LDHD: variants seen among roughly 807,000 people sequenced by gnomAD.
LDHD encodes the protein lactate dehydrogenase D.
Under a neutral mutation model 52.9 loss-of-function variants are expected in LDHD, and 58 were observed. The ratio of observed to expected loss-of-function variants is 1.10; its 90% CI spans 0.89 to 1.36. LDHD has a LOEUF of 1.36. Ranked by LOEUF, LDHD falls within the 40% of genes most tolerant of loss-of-function variation. The pLI, the probability that LDHD is intolerant of heterozygous loss-of-function variation, is 0.00. For missense variants in LDHD, 747 were observed against 668.0 expected (o/e 1.12, Z -1.30); for synonymous variants, 350 against 288.6 (o/e 1.21, Z -2.16).
intron 8 of LDHD, among the ~76,000 whole-genome samples, 180 bp downstream of exon 8, chr16:75,113,355 T>C (rs965604649): frequency 1.3e-5 from 2 of 152,210 alleles, no homozygotes; most frequent in East Asian, 1.9e-4. Context: ...GCTTTCCCTG[T>C]AGACGGTATC....
rs2036495609 is a variant in LDHD at position 75,114,589 on chromosome 16, T to C, written c.566A>G (p.Asn189Ser). 1 of 1,533,878 alleles carries C rather than the reference T, an allele frequency of 6.5e-7. No homozygotes were observed. The highest frequency in any genetic ancestry group is 8.7e-7 in the Non-Finnish European group (1 of 1,145,102). The stretch of plus-strand genomic sequence containing the variant: ...CCCGTCGGGCAGCACCACCTCCAGG[T>C]TGAGCACGTTGTCCCGCATGGTGCC... ...RYGTMRDNVLNLEVVLPDGRL... is the reference protein window; with the variant it reads ...RYGTMRDNVLSLEVVLPDGRL... Residue 189 changes from asparagine to serine, a missense_variant, in exon 5 of 11, where the codon AAC becomes AGC. Physicochemically the swap from Asn to Ser is conservative, Grantham distance 46 (BLOSUM62 1). Coordinates refer to ENST00000450168, the MANE Select transcript of LDHD (RefSeq NM_194436.3).
rs1422873304 is a variant in LDHD at position 75,116,695 on chromosome 16, G to A, written c.26C>T (p.Thr9Ile). The stretch of plus-strand genomic sequence containing the variant: ...GCCCCTCCAGGGGAACAGCTCCCAG[G>A]TTGCAGACCTGAGCAGTCGGGCCAT... MARLLRSA[T>I]WELFPWRGYC... Residue 9 changes from threonine (T) to isoleucine (I), a missense_variant, in exon 1 of 11, where the codon ACC (threonine) becomes ATC (isoleucine). Thr to Ile is a moderately conservative substitution (Grantham distance 89). Coordinates refer to ENST00000450168, the MANE Select transcript of LDHD (RefSeq NM_194436.3). The A allele has an allele frequency of 1.2e-6, 2 of 1,600,918 alleles. No individual in the cohort carries two copies. Among genetic ancestry groups the A allele is most frequent in the Admixed American group, 1.7e-5 (1 of 57,670 alleles).
chr16:75,115,096 G>C (rs1363852950), intron 3 of LDHD, 102 bp downstream of exon 3: 2 of 1,544,938 alleles, frequency 1.3e-6, no homozygotes, highest in East Asian at 4.5e-5. Flanking sequence ...GCCCACGGGC[G>C]GGAGCAGACC....
chr16:75,114,221 G>T, intron 5 of LDHD, 56 bp from the exon 6 acceptor site: 2 of 1,598,060 alleles, frequency 1.3e-6, no homozygotes, highest in Non-Finnish European at 8.5e-7. Flanking sequence ...GGGATTTCTG[G>T]CCAGAAGCCG....
chr16:75,112,694 C>A lies in LDHD; in HGVS notation c.1197G>T (p.Val399=). Reference sequence around the variant, plus strand: ...GGATGCAGTGGAAGTTGCCGTCACCCACATGCCCGACAATGCTTCCTGGGG... The same window carrying A: ...GGATGCAGTGGAAGTTGCCGTCACCAACATGCCCGACAATGCTTCCTGGGG... ...SGLTGSIVGH[V]GDGNFHCILL... The change falls in exon 10 of 11, where the codon GTG becomes GTT. Residue 399 remains valine (V), a synonymous_variant. Coordinates refer to ENST00000450168, the MANE Select transcript of LDHD (RefSeq NM_194436.3). 6.2e-7 allele frequency: 1 copy of A among 1,614,074 alleles called. No homozygotes were observed. Among genetic ancestry groups the A allele is most frequent in the Non-Finnish European group, 8.5e-7 (1 of 1,179,990 alleles).
Position 75,116,688 on chromosome 16 carries a change from C to T in LDHD, c.33G>A (p.Glu11=), listed in dbSNP as rs1370033205. 6.2e-7 allele frequency: 1 copy of T among 1,603,418 alleles called. No homozygotes were observed. Among genetic ancestry groups the T allele is most frequent in the African/African-American group, 1.3e-5 (1 of 74,460 alleles). ...AGCAGTAGCCCCTCCAGGGGAACAG[C>T]TCCCAGGTTGCAGACCTGAGCAGTC... MARLLRSATW[E]LFPWRGYCSQ... The change falls in exon 1 of 11, where the codon GAG becomes GAA. Residue 11 remains glutamate (E), a synonymous_variant. Coordinates refer to ENST00000450168, the MANE Select transcript of LDHD (RefSeq NM_194436.3).
At position 75,115,196 on chromosome 16, in the gene LDHD, A is replaced by ACCT. The variant is rs777397715; in HGVS notation, c.326_327+1dup. On this transcript the variant is annotated splice_donor_variant, in intron 3 of 10. Transcript: ENST00000450168. LOFTEE classifies it high-confidence loss of function. The stretch of plus-strand genomic sequence containing the variant: ...GGGCCGGGCGAGGGAGCCCCACTGT[A>ACCT]CCTGCACAGCACAGACGCCACCCTC... The ACCT allele has an allele frequency of 1.3e-5, 21 of 1,611,620 alleles. No homozygotes were observed. The highest frequency in any genetic ancestry group is 1.0e-5 in the Non-Finnish European group (12 of 1,179,904).
At chr16:75,115,372 G>C (rs368781453) in intron 2 of LDHD, 33 bp from the exon 3 acceptor site, 394 of 1,611,584 alleles carry the variant, frequency 2.4e-4, no homozygotes, top group South Asian at 9.0e-4. Context: ...TTAGCGGGGC[G>C]TGACACCCTC....
At chr16:75,112,547 A>AGG in intron 10 of LDHD, 26 bp from the exon 11 acceptor site, 2 of 1,613,162 alleles carry the variant, frequency 1.2e-6, no homozygotes, top group South Asian at 2.2e-5. Context: ...AGACATCCTC[A>AGG]GGGGGCTCCC....
chr16:75,115,497 G>A, intron 2 of LDHD, 51 bp downstream of exon 2: 1 of 1,587,338 alleles, frequency 6.3e-7, no homozygotes, highest in Non-Finnish European at 8.6e-7. Context: ...CTCTCTCTCA[G>A]CTGGGGTTGA....
Position 75,116,766 on chromosome 16 carries a change from C to A in LDHD, c.-46G>T, listed in dbSNP as rs11860467. 6,507 of 1,334,616 alleles carry A rather than the reference C, an allele frequency of 4.9e-3. 295 individuals are homozygous for A. The African/African-American group carries it at 0.089, about 18-fold the overall frequency. 82.7% of individuals were successfully genotyped at this position (1,334,616 alleles called of 1,614,324 possible). Reference sequence around the variant, plus strand: ...GTGTGAGCACTGGGTGGCAGGGTGACCAGTCAGCTACTGTGGCAGCAGCTA... The same window carrying A: ...GTGTGAGCACTGGGTGGCAGGGTGAACAGTCAGCTACTGTGGCAGCAGCTA... On this transcript the variant is annotated 5_prime_UTR_variant, in exon 1 of 11. Coordinates refer to ENST00000450168, the MANE Select transcript of LDHD (RefSeq NM_194436.3).
At chr16:75,113,158 A>C (rs2036447981) in intron 8 of LDHD, among the ~76,000 whole-genome samples, 1 of 151,600 alleles carries the variant, frequency 6.6e-6, no homozygotes, top group South Asian at 2.1e-4. Flanking sequence ...CCCAAGCCCC[A>C]GGCTGCTGAG....
chr16:75,112,828 C>T lies in LDHD; in HGVS notation c.1177+6G>A, dbSNP rs1252221085. On this transcript the variant is annotated splice_donor_region_variant and intron_variant, in intron 9 of 10. Transcript: ENST00000450168. ...CACCTCTCCCCAGCAGCAGGGTGGGCAGAACCTGTGAGTCCTGAGGCATTC... is the reference window on the plus strand; with the variant it reads ...CACCTCTCCCCAGCAGCAGGGTGGGTAGAACCTGTGAGTCCTGAGGCATTC... 1.2e-6 allele frequency: 2 copies of T among 1,612,048 alleles called. No homozygotes were observed. Among genetic ancestry groups the T allele is most frequent in the South Asian group, 2.2e-5 (2 of 90,836 alleles).
chr16:75,113,643 G>A lies in LDHD; in HGVS notation c.978C>T (p.Asn326=), dbSNP rs145679194. The part of the protein sequence containing the change: ...LQRTEEIVQQ[N]GASDFSWAKE... ...TGGCCCAGGAGAAGTCAGAGGCTCC[G>A]TTCTGCTGGACTATCTCCTCTGCAG... Residue 326 remains asparagine, a synonymous_variant, in exon 8 of 11, where the codon AAC becomes AAT. Transcript: ENST00000450168. The A allele has an allele frequency of 6.2e-6, 10 of 1,613,378 alleles. No individual in the cohort carries two copies. The highest frequency in any genetic ancestry group is 1.3e-5 in the African/African-American group (1 of 75,048).
chr16:75,114,490 G>C (rs887128740), intron 5 of LDHD, 36 bp downstream of exon 5: 2 of 1,471,360 alleles, frequency 1.4e-6, no homozygotes, highest in African/African-American at 2.8e-5. Context: ...GCAGTGCCCA[G>C]GGCCAGAGCC....
At position 75,113,386 on chromosome 16, in the gene LDHD, T is replaced by G. The variant is rs2145440662; in HGVS notation, c.1086+149A>C. 4.3e-6 allele frequency: 4 copies of G among 920,584 alleles called. No individual in the cohort carries two copies. The South Asian group carries it at 6.8e-5, about 16-fold the overall frequency. 57.0% of individuals were successfully genotyped at this position (920,584 alleles called of 1,614,324 possible). A position where few individuals can be genotyped will look rare whatever the true frequency, so the allele number is the denominator to read the frequency against. On this transcript the variant is annotated intron_variant, in intron 8 of 10. Transcript: ENST00000450168. ...GTATCTGAACAGCTGGGTGGGGCGG[T>G]CTGCAGCCCTTGTTTCTAGCGCCTG...
chr16:75,114,218 C>A, intron 5 of LDHD, 53 bp from the exon 6 acceptor site: 1 of 1,600,382 alleles, frequency 6.2e-7, no homozygotes. Flanking sequence ...TGAGGGATTT[C>A]TGGCCAGAAG....
rs912099921 is a variant in LDHD, at chr16:75,112,227, G to A, written c.*129C>T. 1 of 1,155,642 alleles carries A rather than the reference G, an allele frequency of 8.7e-7. No homozygotes were observed. Among genetic ancestry groups the A allele is most frequent in the Non-Finnish European group, 1.2e-6 (1 of 820,350 alleles). The allele number at this position is 1,155,642 out of a possible 1,614,324, so 71.6% of individuals were successfully genotyped here. ...TCTGGGCCCTCTGGCCTTGGGCCCA[G>A]ATACAGTGGGCTCGCTGGCAGGAAG... On this transcript the variant is annotated 3_prime_UTR_variant, in exon 11 of 11. Coordinates refer to ENST00000450168, the MANE Select transcript of LDHD (RefSeq NM_194436.3).
Position 75,114,139 on chromosome 16 carries a change from G to C in LDHD, c.656C>G (p.Thr219Arg), listed in dbSNP as rs150668062. 2 of 1,612,802 alleles carry C rather than the reference G, an allele frequency of 1.2e-6. No individual in the cohort carries two copies. Among genetic ancestry groups the C allele is most frequent in the African/African-American group, 2.7e-5 (2 of 75,050 alleles). The change falls in exon 6 of 11, where the codon ACG becomes AGG. Residue 219 changes from threonine (T) to arginine (R), a missense_variant. Physicochemically the swap from Thr to Arg is moderately conservative, Grantham distance 71. Transcript: ENST00000450168. ...CCCCTCGGAGCCCACGAAGAGCCCC[G>C]TGAGGTTGTAGCCGGCTGCACTCTT... ...FRKSAAGYNL[T>R]GLFVGSEGTL... is the part of the protein sequence containing the mutation.
Sources: gnomAD v4.1 joint callset for allele counts (sites outside exome capture counted in the v4.1 genomes callset) on GRCh38, gnomAD v4.1.1 for gene constraint, MANE v1.5 for transcripts, NCBI Gene and HGNC (gene_info 2026-07-23, HGNC 2026-07-21) for gene names.